Variants in PLXNA4 observed in about 807,000 individuals in gnomAD.
PLXNA4 encodes the protein plexin A4, also known as plexin-A4.
PLXNA4 carries 44 observed loss-of-function variants against 191.8 expected under a neutral mutation model. The observed-to-expected ratio is 0.23, with a 90% confidence interval of 0.18 to 0.29. The LOEUF (loss-of-function observed/expected upper bound fraction) is 0.29. Ranked by LOEUF, PLXNA4 falls within the 10% of genes least tolerant of loss-of-function variation. The probability of loss-of-function intolerance (pLI) is 1.00; values close to 1 mark genes in which losing one functional copy is unlikely to be tolerated. For synonymous variants in PLXNA4, 1,082 were observed against 1,009.5 expected, an observed-to-expected ratio of 1.07 and a Z score of -1.36; for missense variants, 1,800 against 2,488.8, an observed-to-expected ratio of 0.72 and a Z score of 5.89.
At chr7:132,391,462 T>C (rs1325678372) in intron 3 of PLXNA4, among the ~76,000 whole-genome samples, 3 of 152,206 alleles carry the variant, frequency 2.0e-5, no homozygotes, top group African/African-American at 7.2e-5. Context: ...CCTCAAGGGA[T>C]AGTGCAGGAT....
rs574373718 is a variant in PLXNA4 at position 132,512,396 on chromosome 7, T to C, written c.-86-3617A>G. 5.9e-5 allele frequency among the ~76,000 whole-genome samples: 9 copies of C among 152,312 alleles called. No individual in the cohort carries two copies. The South Asian group carries it at 1.9e-3, about 32-fold the overall frequency. On this transcript the variant is annotated intron_variant, in intron 1 of 31. Coordinates refer to ENST00000321063, the MANE Select transcript of PLXNA4 (RefSeq NM_020911.2). ...AAGGTGCCATGGCTCATTCTGCATC[T>C]TCTATTAGGCACTGAAAGGAGACAC...
chr7:132,289,338 T>C (rs1800798724), intron 4 of PLXNA4, among the ~76,000 whole-genome samples: 1 of 152,180 alleles, frequency 6.6e-6, no homozygotes, highest in Admixed American at 6.5e-5. Flanking sequence ...GATTTCCTTT[T>C]TCTGGAGTGT....
intron 5 of PLXNA4, among the ~76,000 whole-genome samples, chr7:132,229,881 TG>T (rs1293132947): frequency 6.6e-6 from 1 of 151,924 alleles, no homozygotes; most frequent in Admixed American, 6.6e-5. Context: ...GGGAAAGCTA[TG>T]GGGGTTTCTC....
chr7:132,480,937 C>T (rs117725461), intron 3 of PLXNA4, among the ~76,000 whole-genome samples: 4 of 152,218 alleles, frequency 2.6e-5, no homozygotes, highest in East Asian at 3.9e-4. Flanking sequence ...ATGTGAAGGC[C>T]GAGGCAGCCA....
At chr7:132,618,152 C>A (rs1418201717) in intron 2 of PLXNA4, among the ~76,000 whole-genome samples, 1 of 152,236 alleles carries the variant, frequency 6.6e-6, no homozygotes, top group Admixed American at 6.5e-5. Flanking sequence ...CAGTCCCTAG[C>A]TGGGCAGCCA....
In PLXNA4 at chr7:132,228,337, G is replaced by T; in HGVS notation, c.1728+9C>A. 3 of 1,613,796 alleles carry T rather than the reference G, an allele frequency of 1.9e-6. No individual in the cohort carries two copies. The highest frequency in any genetic ancestry group is 1.7e-6 in the Non-Finnish European group (2 of 1,179,890). ...CCCTGGACCCCACCCCAACCCCCAC[G>T]ACCCTTACCAGCACGTTGTACTGAG... is the stretch of plus-strand genomic sequence containing the variant. On this transcript the variant is annotated intron_variant, in intron 6 of 31. Transcript: ENST00000321063.
chr7:132,453,818 G>A (rs1832295782), intron 3 of PLXNA4, among the ~76,000 whole-genome samples: 1 of 152,164 alleles, frequency 6.6e-6, no homozygotes, highest in South Asian at 2.1e-4. Context: ...GGGATTATAG[G>A]CGTGAGCCAC....
chr7:132,608,466 T>C (rs1397974872), intron 2 of PLXNA4, among the ~76,000 whole-genome samples: 1 of 152,170 alleles, frequency 6.6e-6, no homozygotes, highest in Non-Finnish European at 1.5e-5. Flanking sequence ...CTCAGTCCAA[T>C]GGCAAAGGAG....
At chr7:132,132,798 A>T (rs553735062) in intron 31 of PLXNA4, among the ~76,000 whole-genome samples, 9 of 152,308 alleles carry the variant, frequency 5.9e-5, no homozygotes, top group African/African-American at 1.4e-4. Flanking sequence ...AATAAGAATT[A>T]AAAAAGACAA....
At chr7:132,564,578 C>A (rs997500251) in intron 1 of PLXNA4, among the ~76,000 whole-genome samples, 2 of 152,160 alleles carry the variant, frequency 1.3e-5, no homozygotes, top group Non-Finnish European at 2.9e-5. Context: ...GCTGTGAACT[C>A]CCTGCTGACA....
intron 2 of PLXNA4, among the ~76,000 whole-genome samples, chr7:132,505,060 A>G (rs1408153108): frequency 6.6e-6 from 1 of 152,216 alleles, no homozygotes; most frequent in Non-Finnish European, 1.5e-5. Context: ...GACTGGCTGG[A>G]GAGACAGCCC....
At chr7:132,392,570 G>A (rs1016328213) in intron 3 of PLXNA4, among the ~76,000 whole-genome samples, 2 of 152,360 alleles carry the variant, frequency 1.3e-5, no homozygotes, top group South Asian at 4.1e-4. Flanking sequence ...GCAGGTAGCC[G>A]AGTGCCCCAG....
chr7:132,468,904 A>G (rs948864437), intron 3 of PLXNA4, among the ~76,000 whole-genome samples: 10 of 152,106 alleles, frequency 6.6e-5, no homozygotes, highest in African/African-American at 2.4e-4. Context: ...GTGAGCGTCT[A>G]GGAATTTCAA....
At chr7:132,269,171 G>A (rs570312233) in intron 4 of PLXNA4, among the ~76,000 whole-genome samples, 30 of 152,200 alleles carry the variant, frequency 2.0e-4, no homozygotes, top group Admixed American at 1.0e-3. Context: ...TTCCGTGTCC[G>A]TGGGACATGT....
At chr7:132,412,131 T>C (rs1218010293) in intron 3 of PLXNA4, among the ~76,000 whole-genome samples, 1 of 152,188 alleles carries the variant, frequency 6.6e-6, no homozygotes, top group Non-Finnish European at 1.5e-5. Flanking sequence ...AGAGCAAACA[T>C]TCCAGCCTTC....
chr7:132,512,935 G>T (rs1393286356), intron 1 of PLXNA4, among the ~76,000 whole-genome samples: 1 of 152,196 alleles, frequency 6.6e-6, no homozygotes, highest in Non-Finnish European at 1.5e-5. Context: ...ATTCTTAAAG[G>T]CAAGTAATGG....
At position 132,549,030 on chromosome 7, in the gene PLXNA4, C is replaced by A. The variant is rs115034720; in HGVS notation, c.-87+27392G>T. Among the ~76,000 whole-genome samples, 967 of 152,266 alleles carry A rather than the reference C, an allele frequency of 6.4e-3. 13 individuals carry two copies. Among genetic ancestry groups the A allele is most frequent in the African/African-American group, 0.021 (890 of 41,566 alleles). ...CTATATGGTCTAAAAAATGGAGGAA[C>A]CCTCAGTTCTGGGAAATCTCTGCCC... is the stretch of plus-strand genomic sequence containing the variant. On this transcript the variant is annotated intron_variant, in intron 1 of 31. Coordinates refer to ENST00000321063, the MANE Select transcript of PLXNA4 (RefSeq NM_020911.2).
At position 132,508,598 on chromosome 7, in the gene PLXNA4, C is replaced by G; in HGVS notation, c.96G>C (p.Pro32=). 1 of 1,613,292 alleles carries G rather than the reference C, an allele frequency of 6.2e-7. No individual in the cohort carries two copies. Among genetic ancestry groups the G allele is most frequent in the Non-Finnish European group, 8.5e-7 (1 of 1,179,498 alleles). ...SSTLLTRQPA[P]LSQKQRSFVT... ...CAAATGACCGCTGCTTCTGGGACAG[C>G]GGGGCTGGCTGCCGGGTGAGCAAAG... The change falls in exon 2 of 32, where the codon CCG becomes CCC. Residue 32 remains proline, a synonymous_variant. Coordinates refer to ENST00000321063, the MANE Select transcript of PLXNA4 (RefSeq NM_020911.2). The surrounding 1 kb of genome is among the most constrained non-coding windows in gnomAD (Gnocchi z 4.4).
chr7:132,271,064 C>T (rs1584928410), intron 4 of PLXNA4: 1 of 151,982 alleles, frequency 6.6e-6, no homozygotes, highest in Non-Finnish European at 1.5e-5. Context: ...ACTGCTGCAC[C>T]AAAAGACTGA....
Sources: allele counts gnomAD v4.1 joint callset (sites outside exome capture counted in the v4.1 genomes callset), GRCh38; gene constraint gnomAD v4.1.1; non-coding constraint Gnocchi (gnomAD v3.1); transcripts MANE v1.5; gene names NCBI Gene and HGNC (gene_info 2026-07-23, HGNC 2026-07-21).